Variants in MROH1 observed in about 807,000 individuals in gnomAD.
MROH1 encodes the protein maestro heat-like repeat-containing protein family member 1.
Under a neutral mutation model 116.5 loss-of-function variants are expected in MROH1, and 117 were observed. The ratio of observed to expected loss-of-function variants is 1.00; its 90% CI spans 0.86 to 1.17. MROH1 has a LOEUF of 1.17. Among genes scored for constraint, MROH1 ranks in the 50% most tolerant of loss-of-function variants. The probability of loss-of-function intolerance (pLI) is 0.00; values close to 1 mark genes in which losing one functional copy is unlikely to be tolerated. For synonymous variants in MROH1, 921 were observed against 583.9 expected (o/e 1.58, Z -8.32); for missense variants, 1,873 against 1,338.5 (o/e 1.40, Z -6.23).
intron 4 of MROH1, among the ~76,000 whole-genome samples, chr8:144,178,469 A>G (rs1824668360): frequency 1.3e-5 from 2 of 151,760 alleles, no homozygotes; most frequent in East Asian, 3.9e-4. Context: ...GGGTTTCACC[A>G]TGTTGGCCAG....
chr8:144,223,980 C>T (rs182286225), intron 14 of MROH1, among the ~76,000 whole-genome samples: 183 of 152,308 alleles, frequency 1.2e-3, no homozygotes, highest in Non-Finnish European at 2.1e-3. Flanking sequence ...CCTCTAAGTG[C>T]GTGGTCGTCA....
intron 10 of MROH1, chr8:144,193,314 A>G (rs1428130516): frequency 6.6e-6 from 1 of 152,294 alleles, no homozygotes; most frequent in South Asian, 2.1e-4. Context: ...AACGGAAATA[A>G]TATTCTAAGA....
At chr8:144,181,753 G>T (rs1049769346) in intron 7 of MROH1, among the ~76,000 whole-genome samples, 2 of 152,118 alleles carry the variant, frequency 1.3e-5, no homozygotes, top group Non-Finnish European at 1.5e-5. Context: ...TGCCTGGGGC[G>T]CAGGACGTGC....
chr8:144,258,649 G>A (rs1253885441), intron 35 of MROH1, 128 bp from the exon 36 acceptor site: 16 of 678,354 alleles, frequency 2.4e-5, no homozygotes, highest in South Asian at 2.2e-4. Context: ...TTCCTGGAGA[G>A]TGGCTCTGGC....
At chr8:144,198,694 A>G (rs569832053) in intron 10 of MROH1, among the ~76,000 whole-genome samples, 53 of 152,248 alleles carry the variant, frequency 3.5e-4, no homozygotes, top group Non-Finnish European at 5.7e-4. Flanking sequence ...CTAGAGATTC[A>G]TGCTTTCCAG....
At chr8:144,185,827 G>A (rs1292970172) in intron 7 of MROH1, among the ~76,000 whole-genome samples, 4 of 126,430 alleles carry the variant, frequency 3.2e-5, no homozygotes, top group Non-Finnish European at 6.7e-5. Context: ...TCGAGGGGAC[G>A]TGAGGGGCAG....
intron 20 of MROH1, 150 bp from the exon 21 acceptor site, chr8:144,240,842 C>T (rs1275372404): frequency 4.9e-5 from 33 of 678,938 alleles, no homozygotes; most frequent in African/African-American, 1.9e-4. Flanking sequence ...CCGGCCCCAC[C>T]GCTTATTCCT....
chr8:144,252,980 A>G (rs1368721839), intron 33 of MROH1, among the ~76,000 whole-genome samples: 2 of 29,308 alleles, frequency 6.8e-5, no homozygotes, highest in Non-Finnish European at 2.0e-4. Flanking sequence ...AATTTATTTC[A>G]TATATATATA....
In MROH1 at chr8:144,244,203, C is replaced by T. The variant is rs1390001382; in HGVS notation, c.2556-19C>T. On this transcript the variant is annotated intron_variant, in intron 26 of 43. Coordinates refer to ENST00000326134, the MANE Select transcript of MROH1 (RefSeq NM_032450.3). ...TCAGCCTTAGGATCATTGTCTGGGG[C>T]CCTTAACTTGCCTCTCAGCTCCGTG... 1.8e-5 allele frequency: 13 copies of T among 716,430 alleles called. No homozygotes were observed. The highest frequency in any genetic ancestry group is 2.6e-5 in the Non-Finnish European group (10 of 384,908). 44.4% of individuals were successfully genotyped at this position (716,430 alleles called of 1,614,324 possible).
rs1251095931 is a variant in MROH1, at chr8:144,236,944, C to T, written c.1339-1812C>T. On this transcript the variant is annotated intron_variant, in intron 14 of 43. Coordinates refer to ENST00000326134, the MANE Select transcript of MROH1 (RefSeq NM_032450.3). ...TTTTTGAGATGGAGTCTCGCTCTGT[C>T]GCCCAGGCTGGAGTGCAGTGGGGTA... 2.5e-4 allele frequency among the ~76,000 whole-genome samples: 29 copies of T among 115,388 alleles called. No homozygotes were observed. In the East Asian group the frequency reaches 6.8e-3, roughly 27 times the overall value. 75.7% of individuals were successfully genotyped at this position (115,388 alleles called of 152,430 possible).
chr8:144,219,018 T>G (rs1042041162), intron 12 of MROH1, among the ~76,000 whole-genome samples: 6 of 145,682 alleles, frequency 4.1e-5, no homozygotes, highest in African/African-American at 1.5e-4. Context: ...TGTTTTTTTT[T>G]GTTGTTGTTG....
chr8:144,238,525 C>T (rs1184847076), intron 14 of MROH1, among the ~76,000 whole-genome samples: 2 of 152,236 alleles, frequency 1.3e-5, no homozygotes, highest in Non-Finnish European at 2.9e-5. Context: ...GAGTCAGTAG[C>T]TTAGCAAATG....
In MROH1 at chr8:144,239,424, A is replaced by T. The variant is rs1357135594; in HGVS notation, c.1632+61A>T. ...CACTCTGTGTCCCTGTGCTCCACCC[A>T]GGCTTGGAAGGGGTTACCTTCTCAG... On this transcript the variant is annotated intron_variant, in intron 17 of 43. Transcript: ENST00000326134. The T allele has an allele frequency of 3.8e-6, 3 of 779,482 alleles. No individual in the cohort carries two copies. In the African/African-American group the frequency reaches 5.1e-5, roughly 13 times the overall value. 48.3% of individuals were successfully genotyped at this position (779,482 alleles called of 1,614,324 possible).
At chr8:144,242,227 G>A in intron 22 of MROH1, 142 bp from the exon 23 acceptor site, 1 of 757,844 alleles carries the variant, frequency 1.3e-6, no homozygotes, top group South Asian at 1.4e-5. Flanking sequence ...GTGGTGCCGT[G>A]CACGGCTGGG....
At chr8:144,254,391 C>CA in intron 33 of MROH1, 1 of 167,266 alleles carries the variant, frequency 6.0e-6, no homozygotes, top group South Asian at 1.9e-4. Flanking sequence ...GTAGCTGCCT[C>CA]ACGGTGCGTC....
chr8:144,206,919 G>A (rs1283510061), intron 12 of MROH1, among the ~76,000 whole-genome samples: 1 of 151,234 alleles, frequency 6.6e-6, no homozygotes, highest in Non-Finnish European at 1.5e-5. Flanking sequence ...TGTAGTTCCA[G>A]CTACTCTGGA....
intron 12 of MROH1, among the ~76,000 whole-genome samples, chr8:144,218,104 C>T (rs925285907): frequency 2.0e-5 from 3 of 152,196 alleles, no homozygotes; most frequent in African/African-American, 7.2e-5. Context: ...GTGTCTTGCC[C>T]CATGGCTTGG....
intron 34 of MROH1, among the ~76,000 whole-genome samples, chr8:144,255,217 A>C (rs1843502437): frequency 6.6e-6 from 1 of 152,220 alleles, no homozygotes; most frequent in Non-Finnish European, 1.5e-5. Flanking sequence ...GCAGTGTTTT[A>C]AGCAGTAAAG....
chr8:144,176,759 G>A (rs1417167520), intron 4 of MROH1, among the ~76,000 whole-genome samples: 1 of 151,632 alleles, frequency 6.6e-6, no homozygotes, highest in African/African-American at 2.4e-5. Context: ...AACTCGGAAG[G>A]CGGAGGTTGC....
Sources: allele counts gnomAD v4.1 joint callset (sites outside exome capture counted in the v4.1 genomes callset), GRCh38; gene constraint gnomAD v4.1.1; transcripts MANE v1.5; gene names NCBI Gene and HGNC (gene_info 2026-07-23, HGNC 2026-07-21).